Variants in GRAMD2B observed in about 807,000 individuals in gnomAD.
GRAMD2B encodes the protein GRAM domain containing 2B.
In GRAMD2B, 41 loss-of-function variants were observed where a neutral mutation model predicts 59.2. That is an observed-to-expected ratio of 0.69 (90% CI 0.54 to 0.90). The LOEUF (loss-of-function observed/expected upper bound fraction) is 0.90, where lower values mean the gene tolerates loss of function less well. Ranked by LOEUF, GRAMD2B falls within the 40% of genes least tolerant of loss-of-function variation. The probability of loss-of-function intolerance (pLI) is 0.00; values close to 1 mark genes in which losing one functional copy is unlikely to be tolerated. For missense variants in GRAMD2B, 424 were observed against 500.5 expected, an observed-to-expected ratio of 0.85 and a Z score of 1.46; for synonymous variants, 161 against 182.7, an observed-to-expected ratio of 0.88 and a Z score of 0.96.
intron 1 of GRAMD2B, among the ~76,000 whole-genome samples, chr5:126,452,153 C>T (rs1242629981): frequency 6.6e-6 from 1 of 152,156 alleles, no homozygotes; most frequent in Non-Finnish European, 1.5e-5. Context: ...ATTTATTTCT[C>T]ATGGTTTTGG....
chr5:126,411,184 A>G (rs771897681), intron 1 of GRAMD2B, among the ~76,000 whole-genome samples: 4 of 152,078 alleles, frequency 2.6e-5, no homozygotes, highest in African/African-American at 9.7e-5. Context: ...CCCAAGGCCA[A>G]TGTCCAAAAT....
intron 1 of GRAMD2B, among the ~76,000 whole-genome samples, chr5:126,464,561 C>G (rs959932301): frequency 2.0e-5 from 3 of 152,152 alleles, no homozygotes; most frequent in African/African-American, 7.2e-5. Flanking sequence ...ATGCACAAAC[C>G]TTCTTGACTC....
At chr5:126,405,190 T>C (rs1018336962) in intron 1 of GRAMD2B, among the ~76,000 whole-genome samples, 1 of 151,874 alleles carries the variant, frequency 6.6e-6, no homozygotes, top group African/African-American at 2.4e-5. Flanking sequence ...GAACTGGTAG[T>C]TGAGTTCTGT....
intron 1 of GRAMD2B, among the ~76,000 whole-genome samples, chr5:126,450,790 A>G (rs1435457187): frequency 6.6e-6 from 1 of 151,934 alleles, no homozygotes; most frequent in East Asian, 1.9e-4. Context: ...GGTGGCTTCC[A>G]TGGGGTGCTA....
At chr5:126,391,411 C>A (rs558774109) in intron 1 of GRAMD2B, among the ~76,000 whole-genome samples, 1 of 150,662 alleles carries the variant, frequency 6.6e-6, no homozygotes, top group Non-Finnish European at 1.5e-5. Flanking sequence ...AACAATAATG[C>A]TTGTACATGG....
upstream of GRAMD2B, among the ~76,000 whole-genome samples, chr5:126,370,578 G>A (rs945552141): frequency 3.3e-5 from 5 of 152,186 alleles, no homozygotes; most frequent in Non-Finnish European, 7.3e-5. Context: ...TTATTTGTTA[G>A]TAAAATGCAT....
intron 1 of GRAMD2B, among the ~76,000 whole-genome samples, chr5:126,401,673 C>A (rs1419114984): frequency 6.6e-6 from 1 of 152,038 alleles, no homozygotes. Flanking sequence ...TGCACCTGCT[C>A]CACTTCTCTT....
intron 1 of GRAMD2B, among the ~76,000 whole-genome samples, chr5:126,464,182 C>G (rs894909485): frequency 1.3e-5 from 2 of 152,192 alleles, no homozygotes; most frequent in Non-Finnish European, 2.9e-5. Flanking sequence ...AGCAACCACA[C>G]AGCTTAAACT....
At position 126,399,384 on chromosome 5, in the gene GRAMD2B, T is replaced by G. The variant is rs181125020; in HGVS notation, c.125+27817T>G. ...GAGGGAGGCATCTAGTGGGAGGTAA[T>G]TGGATCATGGAGGCAGTTTCCCCAG... On this transcript the variant is annotated intron_variant, in intron 1 of 8. Coordinates refer to the GRAMD2B transcript ENST00000506445. 2.0e-5 allele frequency among the ~76,000 whole-genome samples: 3 copies of G among 152,300 alleles called. No individual in the cohort carries two copies. In the East Asian group the frequency reaches 5.8e-4, roughly 29 times the overall value.
At chr5:126,426,576 G>C (rs1408747927) in intron 1 of GRAMD2B, among the ~76,000 whole-genome samples, 1 of 152,098 alleles carries the variant, frequency 6.6e-6, no homozygotes, top group Non-Finnish European at 1.5e-5. Flanking sequence ...CTCTAAATAG[G>C]TTGCAGACTC....
rs189216461 is a variant in GRAMD2B, at chr5:126,464,149, A to G, written c.84-1277A>G. On this transcript the variant is annotated intron_variant, in intron 1 of 13. Coordinates refer to ENST00000285689, the MANE Select transcript of GRAMD2B (RefSeq NM_023927.4). ...TCCTCGCCTAGGCTGCAATTTTCATATGCTGTGAAAAGTGATCAGCAAAGC... is the reference window on the plus strand; with the variant it reads ...TCCTCGCCTAGGCTGCAATTTTCATGTGCTGTGAAAAGTGATCAGCAAAGC... Among the ~76,000 whole-genome samples the G allele has an allele frequency of 1.4e-3, 208 of 152,344 alleles. 4 individuals carry two copies. The highest frequency in any genetic ancestry group is 5.3e-4 in the Non-Finnish European group (36 of 68,034).
chr5:126,394,000 C>A (rs111667206), intron 1 of GRAMD2B, among the ~76,000 whole-genome samples: 3 of 151,998 alleles, frequency 2.0e-5, no homozygotes, highest in Non-Finnish European at 4.4e-5. Context: ...TTAGGCCAGG[C>A]GCGGTGGCTC....
At chr5:126,393,207 C>T (rs1408676088) in intron 1 of GRAMD2B, among the ~76,000 whole-genome samples, 2 of 152,182 alleles carry the variant, frequency 1.3e-5, no homozygotes, top group African/African-American at 4.8e-5. Context: ...TCACGACCAT[C>T]TCCCCAATTA....
intron 1 of GRAMD2B, chr5:126,458,886 C>T (rs758652782): frequency 6.6e-6 from 1 of 152,182 alleles, no homozygotes; most frequent in Non-Finnish European, 1.5e-5. Flanking sequence ...TTCTTATCCC[C>T]CGTTGATGCC....
intron 1 of GRAMD2B, among the ~76,000 whole-genome samples, chr5:126,397,340 T>C (rs1421147045): frequency 6.6e-6 from 1 of 152,184 alleles, no homozygotes; most frequent in African/African-American, 2.4e-5. Flanking sequence ...TGCTCCCATC[T>C]CAGCCTCTTG....
chr5:126,409,737 G>C (rs563297671), intron 1 of GRAMD2B, among the ~76,000 whole-genome samples: 163 of 152,118 alleles, frequency 1.1e-3, no homozygotes, highest in Admixed American at 3.0e-3. Flanking sequence ...CATTGCTTTT[G>C]GTGTTTTAGA....
At chr5:126,454,823 C>G (rs1765986097) in intron 1 of GRAMD2B, among the ~76,000 whole-genome samples, 1 of 152,144 alleles carries the variant, frequency 6.6e-6, no homozygotes, top group South Asian at 2.1e-4. Flanking sequence ...AATTAGTTTC[C>G]AAACTGGCGG....
chr5:126,492,879 A>G (rs757544290), intron 13 of GRAMD2B, 36 bp from the exon 14 acceptor site: 2 of 1,367,518 alleles, frequency 1.5e-6, no homozygotes, highest in Admixed American at 1.7e-5. Context: ...ACTCCATTCT[A>G]TTTAATAATA....
rs528071339 is a variant in GRAMD2B at position 126,409,444 on chromosome 5, G to T, written c.125+37877G>T. On this transcript the variant is annotated intron_variant, in intron 1 of 8. Coordinates refer to the GRAMD2B transcript ENST00000506445. ...TGCATTTCTCTGATGGCCAGTGATGGTGAGCATTTTTTCATGTGTTTTTTG... is the reference window on the plus strand; with the variant it reads ...TGCATTTCTCTGATGGCCAGTGATGTTGAGCATTTTTTCATGTGTTTTTTG... 4.5e-4 allele frequency among the ~76,000 whole-genome samples: 69 copies of T among 152,218 alleles called. No individual in the cohort carries two copies. In the Middle Eastern group the frequency reaches 0.01, roughly 23 times the overall value.
Sources: gnomAD v4.1 joint callset for allele counts (sites outside exome capture counted in the v4.1 genomes callset) on GRCh38, gnomAD v4.1.1 for gene constraint, MANE v1.5 for transcripts, NCBI Gene and HGNC (gene_info 2026-07-23, HGNC 2026-07-21) for gene names.